Variants in RUNX2 observed in about 807,000 individuals in gnomAD.
RUNX2 encodes the protein runt-related transcription factor 2.
Under a neutral mutation model 51.7 loss-of-function variants are expected in RUNX2, and 10 were observed. That is an observed-to-expected ratio of 0.19 (90% CI 0.12 to 0.33). The LOEUF (loss-of-function observed/expected upper bound fraction) is 0.33. Ranked by LOEUF, RUNX2 falls within the 10% of genes least tolerant of loss-of-function variation. The pLI, the probability that RUNX2 is intolerant of heterozygous loss-of-function variation, is 1.00. For synonymous variants in RUNX2, 276 were observed against 273.6 expected, an observed-to-expected ratio of 1.01 and a Z score of -0.09; for missense variants, 562 against 691.3, an observed-to-expected ratio of 0.81 and a Z score of 2.10.
intron 5 of RUNX2, among the ~76,000 whole-genome samples, chr6:45,445,136 T>G (rs1469623926): frequency 6.6e-6 from 1 of 152,140 alleles, no homozygotes; most frequent in African/African-American, 2.4e-5. Flanking sequence ...GCGATTCTCC[T>G]GCCTCAGCCT....
intron 5 of RUNX2, among the ~76,000 whole-genome samples, chr6:45,440,557 G>A (rs903352369): frequency 6.6e-6 from 1 of 152,168 alleles, no homozygotes. Flanking sequence ...TAGCTCAAAA[G>A]CAGCATAAGC....
intron 7 of RUNX2, among the ~76,000 whole-genome samples, chr6:45,519,009 G>A (rs971296984): frequency 6.6e-6 from 1 of 152,070 alleles, no homozygotes; most frequent in Non-Finnish European, 1.5e-5. Context: ...GTGCCTCAGT[G>A]GTCCTATGTT....
At chr6:45,388,964 A>G (rs1383210746) in intron 2 of RUNX2, among the ~76,000 whole-genome samples, 1 of 152,224 alleles carries the variant, frequency 6.6e-6, no homozygotes, top group Non-Finnish European at 1.5e-5. Context: ...CACTGGTATC[A>G]TCTCATTCTA....
chr6:45,334,118 T>A (rs941154632), intron 2 of RUNX2, among the ~76,000 whole-genome samples: 1 of 151,302 alleles, frequency 6.6e-6, no homozygotes, highest in Non-Finnish European at 1.5e-5. Context: ...CCAATTCTCT[T>A]AATTATACAT....
intron 6 of RUNX2, among the ~76,000 whole-genome samples, chr6:45,495,478 T>G (rs2150409714): frequency 6.6e-6 from 1 of 152,348 alleles, no homozygotes; most frequent in Admixed American, 6.5e-5. Flanking sequence ...TCAATGTAAT[T>G]GCATGACTAA....
intron 2 of RUNX2, among the ~76,000 whole-genome samples, chr6:45,386,821 A>C (rs1295332503): frequency 3.3e-5 from 5 of 152,232 alleles, no homozygotes; most frequent in Non-Finnish European, 5.9e-5. Flanking sequence ...ATGAGAAAGA[A>C]AGCTAGAAAT....
chr6:45,452,726 A>C (rs1055411970), intron 5 of RUNX2, among the ~76,000 whole-genome samples: 8 of 152,186 alleles, frequency 5.3e-5, no homozygotes, highest in African/African-American at 1.2e-4. Context: ...AACTAAGTGC[A>C]TACAATTTTC....
chr6:45,419,317 A>G (rs1177653642), intron 2 of RUNX2, among the ~76,000 whole-genome samples: 1 of 152,126 alleles, frequency 6.6e-6, no homozygotes, highest in Non-Finnish European at 1.5e-5. Flanking sequence ...ATCAATTCCC[A>G]TAACTGCTTC....
intron 2 of RUNX2, among the ~76,000 whole-genome samples, chr6:45,387,910 A>C (rs912178438): frequency 9.9e-5 from 15 of 152,278 alleles, no homozygotes; most frequent in Admixed American, 9.8e-4. Context: ...GTAGGAATAG[A>C]AGCTTGGTTA....
At chr6:45,328,524 CTTTTTGT>C in intron 1 of RUNX2, 64 bp downstream of exon 1, 2 of 1,561,934 alleles carry the variant, frequency 1.3e-6, no homozygotes, top group South Asian at 2.3e-5. Context: ...TGCTCATTCT[CTTTTTGT>C]TTTGTTTCTT....
At chr6:45,469,120 A>ACCTT (rs1799725118) in intron 5 of RUNX2, among the ~76,000 whole-genome samples, 1 of 152,206 alleles carries the variant, frequency 6.6e-6, no homozygotes, top group South Asian at 2.1e-4. Flanking sequence ...TGGCACTTAG[A>ACCTT]ATTCTTAAAA....
chr6:45,419,963 G>T (rs1372151825), intron 2 of RUNX2, among the ~76,000 whole-genome samples: 1 of 152,140 alleles, frequency 6.6e-6, no homozygotes, highest in African/African-American at 2.4e-5. Flanking sequence ...GAGGGATTTG[G>T]GGAAGAGGCA....
intron 2 of RUNX2, among the ~76,000 whole-genome samples, chr6:45,386,382 T>C (rs1797349051): frequency 6.6e-6 from 1 of 152,176 alleles, no homozygotes; most frequent in Non-Finnish European, 1.5e-5. Context: ...GTGCATTTTC[T>C]CAAAGAAATT....
At chr6:45,520,344 A>AT (rs1203944622) in intron 7 of RUNX2, among the ~76,000 whole-genome samples, 4 of 152,060 alleles carry the variant, frequency 2.6e-5, no homozygotes, top group South Asian at 2.1e-4. Context: ...TAAATTAAAT[A>AT]TTTTTTTCCT....
chr6:45,360,043 A>G (rs1278748189), intron 2 of RUNX2, among the ~76,000 whole-genome samples: 1 of 152,264 alleles, frequency 6.6e-6, no homozygotes, highest in Non-Finnish European at 1.5e-5. Flanking sequence ...GTAGTCACAC[A>G]TAAACTGTTG....
At chr6:45,348,826 C>T (rs1449425822) in intron 2 of RUNX2, among the ~76,000 whole-genome samples, 3 of 152,232 alleles carry the variant, frequency 2.0e-5, no homozygotes, top group East Asian at 3.9e-4. Context: ...AAATTCCTAT[C>T]GATCCTTCAT....
At chr6:45,503,669 G>C (rs1269200527) in intron 6 of RUNX2, among the ~76,000 whole-genome samples, 2 of 152,166 alleles carry the variant, frequency 1.3e-5, no homozygotes, top group African/African-American at 4.8e-5. Context: ...AAGGCTGAGA[G>C]GCCAGGACAG....
chr6:45,422,011 CCG>C (rs1798206099), intron 2 of RUNX2: 1 of 147,878 alleles, frequency 6.8e-6, no homozygotes, highest in Non-Finnish European at 1.5e-5. Flanking sequence ...AGCGTGCAGC[CCG>C]CGCGGGGGGA....
intron 2 of RUNX2, among the ~76,000 whole-genome samples, chr6:45,362,256 A>G (rs1794389456): frequency 6.6e-6 from 1 of 152,224 alleles, no homozygotes; most frequent in Non-Finnish European, 1.5e-5. Flanking sequence ...ACCATTCCCC[A>G]GAAATGACAC....
Sources: gnomAD v4.1 joint callset for allele counts (sites outside exome capture counted in the v4.1 genomes callset) on GRCh38, gnomAD v4.1.1 for gene constraint, MANE v1.5 for transcripts, NCBI Gene and HGNC (gene_info 2026-07-23, HGNC 2026-07-21) for gene names.